The following FAM193A variants were observed in gnomAD, a reference collection of about 807,000 sequenced individuals.
The protein encoded by FAM193A is family with sequence similarity 193 member A.
A neutral mutation model predicts 126.5 loss-of-function variants in FAM193A; 22 were observed. The observed-to-expected ratio is 0.17, with a 90% CI of 0.12 to 0.25. FAM193A has a LOEUF of 0.25. Ranked by LOEUF, FAM193A falls within the 10% of genes least tolerant of loss-of-function variation. The probability of loss-of-function intolerance (pLI) is 1.00; values close to 1 mark genes in which losing one functional copy is unlikely to be tolerated. For missense variants in FAM193A, 1,675 were observed against 1,672.8 expected (o/e 1.00, Z -0.02); for synonymous variants, 761 against 646.8 (o/e 1.18, Z -2.68).
In FAM193A at chr4:2,694,969, G is replaced by A. The variant is rs575190477; in HGVS notation, c.3116G>A (p.Arg1039His). 19 of 1,602,482 alleles carry A rather than the reference G, an allele frequency of 1.2e-5. No homozygotes were observed. The highest frequency in any genetic ancestry group is 6.7e-5 in the African/African-American group (5 of 74,498). The change falls in exon 17 of 21, where the codon CGC becomes CAC. Residue 1039 changes from arginine to histidine, a missense_variant. This residue lies in a region of FAM193A where 1,186 missense variants were observed against 1,109.2 expected (regional missense o/e 1.07). Transcript: ENST00000637812. ...AGTGACCCTGACTGCGAAGGGCACC[G>A]CTGCGAGAATGGTGTCTACGACCCA... Reference protein sequence around the residue: ...VCSDPDCEGHRCENGVYDPQQ... With the variant: ...VCSDPDCEGHHCENGVYDPQQ...
intron 12 of FAM193A, 71 bp downstream of exon 12, chr4:2,663,359 C>T: frequency 8.2e-7 from 1 of 1,213,014 alleles, no homozygotes; most frequent in Non-Finnish European, 1.1e-6. Context: ...ATGAGCATTA[C>T]TGAATACAAA....
intron 1 of FAM193A, among the ~76,000 whole-genome samples, chr4:2,559,031 A>C (rs867049201): frequency 4.6e-5 from 7 of 152,232 alleles, no homozygotes; most frequent in Admixed American, 4.6e-4. Flanking sequence ...CAGCATAGGA[A>C]GACGGCTATA....
At chr4:2,628,886 T>C (rs1743254650) in intron 4 of FAM193A, among the ~76,000 whole-genome samples, 1 of 150,452 alleles carries the variant, frequency 6.6e-6, no homozygotes, top group Non-Finnish European at 1.5e-5. Context: ...GGAGTCTCGC[T>C]CTGTCACCCA....
intron 20 of FAM193A, among the ~76,000 whole-genome samples, chr4:2,717,598 G>GA (rs571958608): frequency 0.41 from 47,067 of 115,158 alleles, 9,235 homozygotes; most frequent in East Asian, 0.56. Flanking sequence ...TTTGTCTCAG[G>GA]AAAAAAAAAA....
chr4:2,559,808 C>T (rs952323216), intron 1 of FAM193A, among the ~76,000 whole-genome samples: 7 of 152,194 alleles, frequency 4.6e-5, no homozygotes, highest in Non-Finnish European at 1.0e-4. Context: ...TTGCCGTTCG[C>T]TTCCTTTTGC....
intron 2 of FAM193A, among the ~76,000 whole-genome samples, chr4:2,596,673 A>G (rs1247246721): frequency 1.3e-5 from 2 of 152,196 alleles, no homozygotes; most frequent in Admixed American, 6.5e-5. Flanking sequence ...TTCGACATGC[A>G]GGTAATTCTT....
At chr4:2,604,246 T>C in intron 2 of FAM193A, among the ~76,000 whole-genome samples, 1 of 151,046 alleles carries the variant, frequency 6.6e-6, no homozygotes, top group Non-Finnish European at 1.5e-5. Flanking sequence ...GTATTTGCTG[T>C]ATTTGCTAGT....
At chr4:2,586,997 C>T (rs1333127604) in intron 1 of FAM193A, among the ~76,000 whole-genome samples, 1 of 152,172 alleles carries the variant, frequency 6.6e-6, no homozygotes, top group Admixed American at 6.5e-5. Context: ...CTGTATTGTT[C>T]TTCATGAATG....
rs1168523189 is a variant in FAM193A at position 2,586,253 on chromosome 4, A to AT, written c.256-9831_256-9830insT. ...AGCAAAAACTCCGTCTCAAAAAAAA[A>AT]AATATATATATATATAGTTGAATCT... On this transcript the variant is annotated intron_variant, in intron 1 of 20. Transcript: ENST00000637812. Among the ~76,000 whole-genome samples the AT allele has an allele frequency of 1.3e-3, 189 of 141,678 alleles. 2 individuals are homozygous for AT. The highest frequency in any genetic ancestry group is 0.013 in the South Asian group (62 of 4,744). 92.9% of individuals were successfully genotyped at this position (141,678 alleles called of 152,430 possible). A position where few individuals can be genotyped will look rare whatever the true frequency, so the allele number is the denominator to read the frequency against.
At chr4:2,548,632 T>G (rs1028383530) in intron 1 of FAM193A, among the ~76,000 whole-genome samples, 1 of 151,896 alleles carries the variant, frequency 6.6e-6, no homozygotes, top group Admixed American at 6.6e-5. Flanking sequence ...AATTTTTGTA[T>G]TTTTAGTAGA....
At chr4:2,725,768 G>T (rs1720675492) in intron 20 of FAM193A, among the ~76,000 whole-genome samples, 1 of 151,610 alleles carries the variant, frequency 6.6e-6, no homozygotes, top group South Asian at 2.1e-4. Flanking sequence ...CCGGAGTGCA[G>T]TGGTATGATC....
At chr4:2,701,220 T>A (rs1264332198) in intron 19 of FAM193A, among the ~76,000 whole-genome samples, 1 of 151,616 alleles carries the variant, frequency 6.6e-6, no homozygotes, top group Admixed American at 6.6e-5. Context: ...ACTGATCCAA[T>A]GCTATTCTCT....
At chr4:2,716,434 C>CT (rs1719544690) in intron 20 of FAM193A, among the ~76,000 whole-genome samples, 1 of 152,228 alleles carries the variant, frequency 6.6e-6, no homozygotes, top group South Asian at 2.1e-4. Context: ...GCAGCGTCTC[C>CT]TGGGGATACA....
At position 2,700,216 on chromosome 4, in the gene FAM193A, C is replaced by T. The variant is rs146747024; in HGVS notation, c.4044C>T (p.Ser1348=). The T allele has an allele frequency of 4.5e-5, 72 of 1,613,768 alleles. No homozygotes were observed. Among genetic ancestry groups the T allele is most frequent in the Non-Finnish European group, 5.2e-5 (61 of 1,180,012 alleles). ...TGAGGCAGACCAGCAAGGCCAGCAGCGAGCCAGCGAGGAGGCCCACAGAGC... is the reference window on the plus strand; with the variant it reads ...TGAGGCAGACCAGCAAGGCCAGCAGTGAGCCAGCGAGGAGGCCCACAGAGC... ...QKLRQTSKAS[S]EPARRPTEPP... Residue 1348 remains serine (S), a synonymous_variant, in exon 19 of 21, where the codon AGC becomes AGT. Coordinates refer to ENST00000637812, the MANE Select transcript of FAM193A (RefSeq NM_001366318.2).
intron 1 of FAM193A, among the ~76,000 whole-genome samples, chr4:2,544,539 T>C (rs1015686497): frequency 6.6e-6 from 1 of 151,770 alleles, no homozygotes; most frequent in Non-Finnish European, 1.5e-5. Context: ...CATTCTCTAC[T>C]AAAAATACAA....
intron 2 of FAM193A, among the ~76,000 whole-genome samples, chr4:2,621,867 T>C (rs112360547): frequency 1.9e-4 from 29 of 152,278 alleles, no homozygotes; most frequent in African/African-American, 6.5e-4. Context: ...CTCCTTGCCC[T>C]ACCATGCCTC....
chr4:2,562,710 A>G (rs1738697147), intron 1 of FAM193A, among the ~76,000 whole-genome samples: 1 of 151,394 alleles, frequency 6.6e-6, no homozygotes, highest in Admixed American at 6.6e-5. Context: ...GCTCACCGCA[A>G]CCTCCGCCTC....
At chr4:2,595,158 C>T (rs1740788771) in intron 1 of FAM193A, among the ~76,000 whole-genome samples, 1 of 152,048 alleles carries the variant, frequency 6.6e-6, no homozygotes, top group Non-Finnish European at 1.5e-5. Flanking sequence ...TAGCAATCCT[C>T]TCACCTCAGC....
At chr4:2,597,892 C>G (rs1179565491) in intron 2 of FAM193A, among the ~76,000 whole-genome samples, 1 of 152,084 alleles carries the variant, frequency 6.6e-6, no homozygotes, top group Non-Finnish European at 1.5e-5. Context: ...GTCCTAGCCT[C>G]TGGTAACCAC....
Sources: allele counts gnomAD v4.1 joint callset (sites outside exome capture counted in the v4.1 genomes callset), GRCh38; gene constraint gnomAD v4.1.1; regional missense constraint gnomAD v4.1.1; transcripts MANE v1.5; gene names NCBI Gene and HGNC (gene_info 2026-07-23, HGNC 2026-07-21).